Variants in MEGF8 observed in about 807,000 individuals in gnomAD.
MEGF8 encodes the protein multiple epidermal growth factor-like domains protein 8.
In MEGF8, 156 loss-of-function variants were observed where a neutral mutation model predicts 302.9. The observed-to-expected ratio is 0.52, with a 90% CI of 0.45 to 0.59. The LOEUF (loss-of-function observed/expected upper bound fraction) is 0.59. MEGF8 is among the 20% of genes least tolerant of loss of function. The pLI is 0.00. For missense variants in MEGF8, 3,345 were observed against 3,964.5 expected (o/e 0.84, Z 4.20); for synonymous variants, 1,621 against 1,660.5 (o/e 0.98, Z 0.58).
At chr19:42,333,504 A>C (rs10421409) in intron 1 of MEGF8, 101 bp from the exon 2 acceptor site, 2 of 1,315,200 alleles carry the variant, frequency 1.5e-6, no homozygotes, top group Non-Finnish European at 2.1e-6. Context: ...AGCCCCCAGC[A>C]TCACCTGGAT....
Position 42,375,668 on chromosome 19 carries a change from C to G in MEGF8, c.7431C>G (p.Leu2477=), listed in dbSNP as rs750662301. ...RRALGPGRTV[L]FGVQPKFTNV... ...CGCTAGGCCCCGGCCGCACTGTCCTCTTTGGCGTGCAGCCCAAATTCACCA... is the reference window on the plus strand; with the variant it reads ...CGCTAGGCCCCGGCCGCACTGTCCTGTTTGGCGTGCAGCCCAAATTCACCA... Residue 2477 remains leucine, a synonymous_variant, in exon 42 of 42, where the codon CTC becomes CTG. Transcript: ENST00000251268. The surrounding 1 kb of genome is among the most constrained non-coding windows in gnomAD (Gnocchi z 7.1). 1.9e-6 allele frequency: 3 copies of G among 1,610,804 alleles called. No homozygotes were observed. The highest frequency in any genetic ancestry group is 2.5e-6 in the Non-Finnish European group (3 of 1,178,938).
In MEGF8 at chr19:42,353,192, G is replaced by A; in HGVS notation, c.3550+65G>A. 1 of 1,434,224 alleles carries A rather than the reference G, an allele frequency of 7.0e-7. No individual in the cohort carries two copies. Among genetic ancestry groups the A allele is most frequent in the Non-Finnish European group, 9.3e-7 (1 of 1,075,150 alleles). The allele number at this position is 1,434,224 out of a possible 1,614,324, so 88.8% of individuals were successfully genotyped here. A position where few individuals can be genotyped will look rare whatever the true frequency, so the allele number is the denominator to read the frequency against. On this transcript the variant is annotated intron_variant, in intron 20 of 41. Transcript: ENST00000251268. The surrounding 1 kb of genome is among the most constrained non-coding windows in gnomAD (Gnocchi z 6.1). Reference sequence around the variant, plus strand: ...AGCCTCCTCCCTTCTTGGGGCTCCAGTTTGCTCTTCTTGGAGGGGGCCTCA... The same window carrying A: ...AGCCTCCTCCCTTCTTGGGGCTCCAATTTGCTCTTCTTGGAGGGGGCCTCA...
chr19:42,368,517 G>A lies in MEGF8; in HGVS notation c.6336G>A (p.Arg2112=), dbSNP rs1273858432. The change falls in exon 36 of 42, where the codon CGG becomes CGA. Residue 2112 remains arginine (R), a synonymous_variant. Transcript: ENST00000251268. The surrounding 1 kb of genome is among the most constrained non-coding windows in gnomAD (Gnocchi z 4.9). Reference sequence around the variant, plus strand: ...CCGGAGGCTGTGGGCGGCTGCTCCGGGGACCTGAGAGCTGCTCCCTGGGCT... The same window carrying A: ...CCGGAGGCTGTGGGCGGCTGCTCCGAGGACCTGAGAGCTGCTCCCTGGGCT... ...CMAGGCGRLL[R]GPESCSLGCA... The A allele has an allele frequency of 6.2e-7, 1 of 1,608,752 alleles. No individual in the cohort carries two copies. Among genetic ancestry groups the A allele is most frequent in the Non-Finnish European group, 8.5e-7 (1 of 1,178,306 alleles).
Position 42,353,632 on chromosome 19 carries a change from G to A in MEGF8, c.3718G>A (p.Ala1240Thr). 6.3e-7 allele frequency: 1 copy of A among 1,581,618 alleles called. No individual in the cohort carries two copies. Among genetic ancestry groups the A allele is most frequent in the Non-Finnish European group, 8.6e-7 (1 of 1,161,802 alleles). Residue 1240 changes from alanine to threonine, a missense_variant, in exon 21 of 42, where the codon GCC becomes ACC. Physicochemically the swap from Ala to Thr is moderately conservative, Grantham distance 58. Transcript: ENST00000251268. This position sits in a 1 kb window ranked among gnomAD's most constrained non-coding sequence, Gnocchi z 6.1. Reference sequence around the variant, plus strand: ...CTTCTGCCAGGACCACACCGAGGGTGCCCACTGCCAGCTCTGCTCCCCAGG... The same window carrying A: ...CTTCTGCCAGGACCACACCGAGGGTACCCACTGCCAGCTCTGCTCCCCAGG... ...LCFCQDHTEG[A>T]HCQLCSPGYY...
intron 12 of MEGF8, among the ~76,000 whole-genome samples, chr19:42,346,858 A>G (rs543319327): frequency 6.6e-6 from 1 of 150,880 alleles, no homozygotes; most frequent in African/African-American, 2.4e-5. Flanking sequence ...GGTGGTGAGC[A>G]CCTGTAGTCC....
chr19:42,351,548 G>A lies in MEGF8; in HGVS notation c.2975G>A (p.Gly992Asp). 3 of 1,609,548 alleles carry A rather than the reference G, an allele frequency of 1.9e-6. No individual in the cohort carries two copies. The highest frequency in any genetic ancestry group is 1.3e-5 in the African/African-American group (1 of 74,972). The change falls in exon 17 of 42, where the codon GGC (glycine) becomes GAC (aspartate). Residue 992 changes from glycine (G) to aspartate (D), a missense_variant. Coordinates refer to ENST00000251268, the MANE Select transcript of MEGF8 (RefSeq NM_001271938.2). The surrounding 1 kb of genome is among the most constrained non-coding windows in gnomAD (Gnocchi z 5.6). ...CGGTACCCACACGGGGGCTGTCGAG[G>A]CTGGGACGACAGGTATGGTCCCTGG... Reference protein sequence around the residue: ...LARYPHGGCRGWDDSVHSEPR... With the variant: ...LARYPHGGCRDWDDSVHSEPR...
chr19:42,374,470 C>CAA (rs58700897), intron 41 of MEGF8, among the ~76,000 whole-genome samples: 60 of 55,868 alleles, frequency 1.1e-3, no homozygotes, highest in East Asian at 2.3e-3. Context: ...GACTCTGTCT[C>CAA]AAAAAAAAAA....
Position 42,344,620 on chromosome 19 carries a change from G to T in MEGF8, c.1933+35G>T. On this transcript the variant is annotated intron_variant, in intron 11 of 41. Transcript: ENST00000251268. The surrounding 1 kb of genome is among the most constrained non-coding windows in gnomAD (Gnocchi z 4.5). The stretch of plus-strand genomic sequence containing the variant: ...CGCAGCAGTGGGCCGGCAGGAGGGG[G>T]CCAGAGCACTCCACACTGACCCACC... The T allele has an allele frequency of 6.4e-7, 1 of 1,574,352 alleles. No homozygotes were observed.
At position 42,368,408 on chromosome 19, in the gene MEGF8, C is replaced by A; in HGVS notation, c.6274-47C>A. 7.6e-7 allele frequency: 1 copy of A among 1,307,888 alleles called. No homozygotes were observed. The highest frequency in any genetic ancestry group is 1.0e-6 in the Non-Finnish European group (1 of 984,408). The allele number at this position is 1,307,888 out of a possible 1,614,324, so 81.0% of individuals were successfully genotyped here. A position where few individuals can be genotyped will look rare whatever the true frequency, so the allele number is the denominator to read the frequency against. On this transcript the variant is annotated intron_variant, in intron 35 of 41. Coordinates refer to ENST00000251268, the MANE Select transcript of MEGF8 (RefSeq NM_001271938.2). The surrounding 1 kb of genome is among the most constrained non-coding windows in gnomAD (Gnocchi z 4.9). ...AGAATGTGTTTGTTTAAGCTTATTT[C>A]CCCATCTCTCTCTTCCCTGCATCCC...
chr19:42,337,032 T>TC (rs1246308015), intron 7 of MEGF8, 52 bp from the exon 8 acceptor site: 4 of 1,611,846 alleles, frequency 2.5e-6, no homozygotes, highest in African/African-American at 1.3e-5. Flanking sequence ...TGCAGGGGAG[T>TC]CCCCCCACCT....
rs774975242 is a variant in MEGF8, at chr19:42,333,736, C to T, written c.319C>T (p.Arg107Ter). 2.5e-6 allele frequency: 4 copies of T among 1,613,820 alleles called. No individual in the cohort carries two copies. The highest frequency in any genetic ancestry group is 3.4e-6 in the Non-Finnish European group (4 of 1,179,880). Residue 107 changes from arginine to a stop codon, truncating the protein, a stop_gained, in exon 2 of 42, where the codon CGA becomes TGA. Transcript: ENST00000251268. LOFTEE classifies it high-confidence loss of function. The part of the protein sequence containing the change: ...PLLASLSGST[R>*]PPPIEASSGK... ...GCTTGCCAGTCTAAGTGGGAGCACC[C>T]GACCTCCGCCCATCGAAGCTTCCTC...
intron 41 of MEGF8, among the ~76,000 whole-genome samples, chr19:42,373,613 C>T (rs2039723121): frequency 6.7e-6 from 1 of 149,670 alleles, no homozygotes; most frequent in South Asian, 2.1e-4. Context: ...CCAGGCTAGT[C>T]TTGAACTCCT....
chr19:42,375,353 C>T lies in MEGF8; in HGVS notation c.7270-154C>T, dbSNP rs538595521. ...GGTCTACACTGTGGCAGAGAAGGTCCGGGGGGTCACAGGGAAGTGACTGGG... is the reference window on the plus strand; with the variant it reads ...GGTCTACACTGTGGCAGAGAAGGTCTGGGGGGTCACAGGGAAGTGACTGGG... On this transcript the variant is annotated intron_variant, in intron 41 of 41. Transcript: ENST00000251268. The surrounding 1 kb of genome is among the most constrained non-coding windows in gnomAD (Gnocchi z 7.1). Among the ~76,000 whole-genome samples the T allele has an allele frequency of 7.2e-5, 11 of 152,180 alleles. No individual in the cohort carries two copies. Among genetic ancestry groups the T allele is most frequent in the East Asian group, 1.9e-4 (1 of 5,180 alleles).
intron 8 of MEGF8, among the ~76,000 whole-genome samples, chr19:42,342,143 T>C (rs2039223653): frequency 6.6e-6 from 1 of 152,190 alleles, no homozygotes; most frequent in Non-Finnish European, 1.5e-5. Context: ...TCCCCTTCAC[T>C]GGGCAGGAGT....
At chr19:42,363,374 TC>T (rs1182631387) in intron 35 of MEGF8, 112 bp downstream of exon 35, 5 of 913,368 alleles carry the variant, frequency 5.5e-6, no homozygotes, top group Non-Finnish European at 8.4e-6. Context: ...TCCTTCCATC[TC>T]CCTGGCTCTA....
intron 1 of MEGF8, among the ~76,000 whole-genome samples, chr19:42,329,714 G>T (rs2039030707): frequency 2.0e-5 from 3 of 151,894 alleles, no homozygotes; most frequent in African/African-American, 7.3e-5. Flanking sequence ...AATTACAAAA[G>T]ATTAGCTGGG....
In MEGF8 at chr19:42,326,340, C is replaced by T; in HGVS notation, c.97C>T (p.Gln33Ter). Residue 33 changes from glutamine (Q) to a stop codon, truncating the protein, a stop_gained, in exon 1 of 42, where the codon CAG (glutamine) becomes TAG (stop). Coordinates refer to ENST00000251268, the MANE Select transcript of MEGF8 (RefSeq NM_001271938.2). LOFTEE classifies it high-confidence loss of function. ...GGCCCGGGCGGGGGACTGCAAGGGG[C>T]AGCGGCAGGTGCTGCGGGAGGCGCC... ...PGARAGDCKG[Q>*]RQVLREAPGF... 1 of 1,581,874 alleles carries T rather than the reference C, an allele frequency of 6.3e-7. No homozygotes were observed. The highest frequency in any genetic ancestry group is 8.6e-7 in the Non-Finnish European group (1 of 1,167,974).
intron 34 of MEGF8, among the ~76,000 whole-genome samples, chr19:42,362,845 G>A (rs1222530416): frequency 6.6e-6 from 1 of 150,542 alleles, no homozygotes; most frequent in Non-Finnish European, 1.5e-5. Flanking sequence ...TCTGAGGGAG[G>A]AGGGGCTGGG....
Position 42,370,801 on chromosome 19 carries a change from G to A in MEGF8, c.7106G>A (p.Gly2369Asp). 1 of 1,362,636 alleles carries A rather than the reference G, an allele frequency of 7.3e-7. No homozygotes were observed. The highest frequency in any genetic ancestry group is 1.0e-6 in the Non-Finnish European group (1 of 983,944). 84.4% of individuals were successfully genotyped at this position (1,362,636 alleles called of 1,614,324 possible). ...GAGAAATGCGAGAGCTGCCTGCAGGGCTACTTCCTCCTGGACGGGAAGTGC... is the reference window on the plus strand; with the variant it reads ...GAGAAATGCGAGAGCTGCCTGCAGGACTACTTCCTCCTGGACGGGAAGTGC... The part of the protein sequence containing the change: ...YGEKCESCLQ[G>D]YFLLDGKCTK... Residue 2369 changes from glycine to aspartate, a missense_variant, in exon 40 of 42, where the codon GGC (glycine) becomes GAC (aspartate). Coordinates refer to ENST00000251268, the MANE Select transcript of MEGF8 (RefSeq NM_001271938.2).
Sources: gnomAD v4.1 joint callset for allele counts (sites outside exome capture counted in the v4.1 genomes callset) on GRCh38, gnomAD v4.1.1 for gene constraint, Gnocchi (gnomAD v3.1) non-coding constraint, MANE v1.5 for transcripts, NCBI Gene and HGNC (gene_info 2026-07-23, HGNC 2026-07-21) for gene names.